The following CDH8 variants were observed in gnomAD, a reference collection of about 807,000 sequenced individuals.
CDH8 encodes cadherin 8.
Under a neutral mutation model 68.1 loss-of-function variants are expected in CDH8, and 17 were observed. The ratio of observed to expected loss-of-function variants is 0.25; its 90% CI spans 0.17 to 0.37. The LOEUF is 0.37. Ranked by LOEUF, CDH8 falls within the 10% of genes least tolerant of loss-of-function variation. The pLI is 1.00. For synonymous variants in CDH8, 372 were observed against 365.1 expected (o/e 1.02, Z -0.21); for missense variants, 763 against 999.3 (o/e 0.76, Z 3.19).
chr16:61,801,719 A>T (rs1379226741), intron 7 of CDH8, among the ~76,000 whole-genome samples: 1 of 152,176 alleles, frequency 6.6e-6, no homozygotes, highest in Non-Finnish European at 1.5e-5. Flanking sequence ...GCACCTGGAA[A>T]ATCGGGTCAC....
intron 2 of CDH8, among the ~76,000 whole-genome samples, chr16:61,974,245 T>C (rs1034972610): frequency 4.6e-5 from 7 of 152,120 alleles, no homozygotes; most frequent in African/African-American, 1.4e-4. Context: ...ATATGATGAG[T>C]TTCAGTAGAC....
At chr16:61,663,414 A>T (rs1963607120) in intron 10 of CDH8, among the ~76,000 whole-genome samples, 2 of 151,982 alleles carry the variant, frequency 1.3e-5, no homozygotes, top group Admixed American at 1.3e-4. Context: ...ATCCTTTATA[A>T]TGTTTATGCA....
intron 9 of CDH8, among the ~76,000 whole-genome samples, chr16:61,720,681 G>A (rs1002190664): frequency 1.3e-5 from 2 of 150,682 alleles, no homozygotes; most frequent in East Asian, 3.9e-4. Flanking sequence ...AGATTCCCAT[G>A]GGGAAGAGTG....
chr16:61,660,285 T>C (rs1181561635), intron 10 of CDH8, among the ~76,000 whole-genome samples: 1 of 150,718 alleles, frequency 6.6e-6, no homozygotes, highest in East Asian at 1.9e-4. Context: ...GAAAAACAGC[T>C]GGCAAAAAGA....
chr16:61,957,042 T>A (rs952898584), intron 2 of CDH8, among the ~76,000 whole-genome samples: 1 of 152,218 alleles, frequency 6.6e-6, no homozygotes, highest in African/African-American at 2.4e-5. Flanking sequence ...AATGTAATAT[T>A]GCTTGGCAAA....
At position 61,713,742 on chromosome 16, in the gene CDH8, A is replaced by G. The variant is rs542050570; in HGVS notation, c.1654+99T>C. 1.5e-3 allele frequency: 1,022 copies of G among 685,620 alleles called. 2 individuals carry two copies. The highest frequency in any genetic ancestry group is 2.3e-3 in the Non-Finnish European group (894 of 393,224). 42.5% of individuals were successfully genotyped at this position (685,620 alleles called of 1,614,324 possible). A position where few individuals can be genotyped will look rare whatever the true frequency, so the allele number is the denominator to read the frequency against. Reference sequence around the variant, plus strand: ...CTGAATTTCAAGTGCTCATAGTTGAACAAAAATTATCTTAATGATAATTTT... The same window carrying G: ...CTGAATTTCAAGTGCTCATAGTTGAGCAAAAATTATCTTAATGATAATTTT... On this transcript the variant is annotated intron_variant, in intron 10 of 11. Coordinates refer to ENST00000577390, the MANE Select transcript of CDH8 (RefSeq NM_001796.5).
In CDH8 at chr16:61,817,751, G is replaced by C; in HGVS notation, c.1024-19C>G. ...CCAGAGGCTGTTAAGAAATGACAAA[G>C]ATAAATGCTTCTCACTAATGACCAC... On this transcript the variant is annotated intron_variant, in intron 6 of 11. Coordinates refer to ENST00000577390, the MANE Select transcript of CDH8 (RefSeq NM_001796.5). 6.5e-7 allele frequency: 1 copy of C among 1,537,374 alleles called. No homozygotes were observed. Among genetic ancestry groups the C allele is most frequent in the Non-Finnish European group, 8.7e-7 (1 of 1,146,126 alleles).
chr16:61,781,661 A>G (rs1366323766), intron 8 of CDH8, among the ~76,000 whole-genome samples: 1 of 152,194 alleles, frequency 6.6e-6, no homozygotes. Context: ...AAAATTCTTT[A>G]TAATTATTGA....
chr16:61,662,488 TA>T (rs2142758481), intron 10 of CDH8, among the ~76,000 whole-genome samples: 1 of 151,764 alleles, frequency 6.6e-6, no homozygotes, highest in Non-Finnish European at 1.5e-5. Flanking sequence ...TACATTATTT[TA>T]AAAAAAGAAA....
intron 2 of CDH8, among the ~76,000 whole-genome samples, chr16:61,982,254 C>G (rs1429750958): frequency 2.0e-5 from 3 of 152,040 alleles, no homozygotes; most frequent in African/African-American, 7.2e-5. Context: ...GAGTCTCGCT[C>G]TATCGCCCAG....
chr16:61,890,298 C>T (rs1963751137), intron 3 of CDH8, among the ~76,000 whole-genome samples: 1 of 152,126 alleles, frequency 6.6e-6, no homozygotes, highest in African/African-American at 2.4e-5. Flanking sequence ...GGAAATAAAA[C>T]TTAAGCATTA....
At chr16:61,798,118 CT>C (rs1227072070) in intron 7 of CDH8, among the ~76,000 whole-genome samples, 7 of 152,028 alleles carry the variant, frequency 4.6e-5, no homozygotes, top group Non-Finnish European at 8.8e-5. Context: ...AAAATTTGAA[CT>C]TTTTTCCCCT....
intron 10 of CDH8, among the ~76,000 whole-genome samples, chr16:61,686,685 A>C (rs1264995892): frequency 6.6e-6 from 1 of 151,968 alleles, no homozygotes; most frequent in Non-Finnish European, 1.5e-5. Flanking sequence ...CTATGTTGGA[A>C]ATGCTACTTG....
intron 10 of CDH8, among the ~76,000 whole-genome samples, chr16:61,680,349 G>T (rs11862957): frequency 0.27 from 41,430 of 151,774 alleles, 5,844 homozygotes; most frequent in African/African-American, 0.32. Context: ...ATGGTAGTAG[G>T]TGGTAACTTA....
intron 3 of CDH8, among the ~76,000 whole-genome samples, chr16:61,889,505 T>C (rs1045177714): frequency 3.3e-5 from 5 of 152,194 alleles, no homozygotes; most frequent in Non-Finnish European, 7.3e-5. Flanking sequence ...CAGAAATATA[T>C]TGACAAAGGT....
chr16:61,794,488 T>C (rs937067636), intron 7 of CDH8, among the ~76,000 whole-genome samples: 6 of 152,066 alleles, frequency 3.9e-5, no homozygotes, highest in African/African-American at 1.4e-4. Context: ...TGTAAACATG[T>C]ATTTTAACAG....
intron 1 of CDH8, among the ~76,000 whole-genome samples, chr16:62,034,716 T>C (rs926214473): frequency 6.6e-6 from 1 of 152,070 alleles, no homozygotes. Flanking sequence ...GAGGAAACTC[T>C]TGTGGAATCT....
Position 61,670,062 on chromosome 16 carries a change from C to T in CDH8, c.1655-14341G>A, listed in dbSNP as rs1292832748. On this transcript the variant is annotated intron_variant, in intron 10 of 11. Coordinates refer to ENST00000577390, the MANE Select transcript of CDH8 (RefSeq NM_001796.5). ...ATAATGGAACTAATGATATTGATTG[C>T]CTATTTTTTCCCATCTCCTACAATC... 2.6e-5 allele frequency among the ~76,000 whole-genome samples: 4 copies of T among 151,962 alleles called. No individual in the cohort carries two copies. The South Asian group carries it at 6.2e-4, about 24-fold the overall frequency.
intron 2 of CDH8, among the ~76,000 whole-genome samples, chr16:61,936,252 A>G (rs570592624): frequency 6.6e-6 from 1 of 152,236 alleles, no homozygotes; most frequent in South Asian, 2.1e-4. Context: ...CTGGTAAGAG[A>G]AAAAAATAGC....
Sources: allele counts gnomAD v4.1 joint callset (sites outside exome capture counted in the v4.1 genomes callset), GRCh38; gene constraint gnomAD v4.1.1; transcripts MANE v1.5; gene names NCBI Gene and HGNC (gene_info 2026-07-23, HGNC 2026-07-21).